The following TASP1 variants were observed in gnomAD, a reference collection of about 807,000 sequenced individuals.
The protein encoded by TASP1 is threonine aspartase 1.
A neutral mutation model predicts 56.6 loss-of-function variants in TASP1; 16 were observed. That is an observed-to-expected ratio of 0.28 (90% CI 0.19 to 0.43). The LOEUF (loss-of-function observed/expected upper bound fraction) is 0.43. TASP1 is among the 20% of genes least tolerant of loss of function. The pLI is 1.00. For synonymous variants in TASP1, 179 were observed against 184.2 expected (o/e 0.97, Z 0.23); for missense variants, 393 against 511.6 (o/e 0.77, Z 2.24).
chr20:13,122,486 T>C, the TASP1 span, among the ~76,000 whole-genome samples: 1 of 152,174 alleles, frequency 6.6e-6, no homozygotes, highest in African/African-American at 2.4e-5. Flanking sequence ...TCTGGAGAAG[T>C]CGAGTGTGGC....
chr20:13,349,869 G>A, the TASP1 span, among the ~76,000 whole-genome samples: 50 of 152,276 alleles, frequency 3.3e-4, no homozygotes, highest in African/African-American at 1.1e-3. Flanking sequence ...AAATTACATA[G>A]TCTGGACATG....
the TASP1 span, among the ~76,000 whole-genome samples, chr20:13,306,564 C>CAAAAAAAAAAAAAAAAAA: frequency 1.7e-4 from 11 of 63,906 alleles, no homozygotes; most frequent in South Asian, 7.8e-4. Context: ...GGAGAAAGGA[C>CAAAAAAAAAAAAAAAAAA]AAAAAAAAAA....
chr20:13,422,513 G>A (rs1421506846), intron 12 of TASP1, among the ~76,000 whole-genome samples: 1 of 151,964 alleles, frequency 6.6e-6, no homozygotes, highest in Non-Finnish European at 1.5e-5. Context: ...TCTTTTATCT[G>A]GGTGTATCAT....
chr20:13,583,766 G>A lies in TASP1; in HGVS notation c.404-2785C>T, dbSNP rs139505564. On this transcript the variant is annotated intron_variant, in intron 5 of 13. Coordinates refer to ENST00000337743, the MANE Select transcript of TASP1 (RefSeq NM_017714.3). ...AGCATAGGCCTCATAAGGGTATCGT[G>A]AGAACTAAATGATTTAAAATATGTA... Among the ~76,000 whole-genome samples the A allele has an allele frequency of 5.2e-4, 79 of 152,314 alleles. No homozygotes were observed. In the East Asian group the frequency reaches 0.015, roughly 28 times the overall value.
chr20:13,392,429 G>C (rs1018971878), intron 13 of TASP1, among the ~76,000 whole-genome samples: 2 of 152,170 alleles, frequency 1.3e-5, no homozygotes, highest in Non-Finnish European at 1.5e-5. Flanking sequence ...TCTTGGTTTT[G>C]AATCTTTAGG....
At chr20:13,215,255 G>A in the TASP1 span, among the ~76,000 whole-genome samples, 1 of 152,178 alleles carries the variant, frequency 6.6e-6, no homozygotes, top group Admixed American at 6.5e-5. Context: ...CAACTGTAAA[G>A]GAAGCTAAAT....
intron 4 of TASP1, among the ~76,000 whole-genome samples, chr20:13,619,668 T>A (rs1203682481): frequency 6.6e-6 from 1 of 152,160 alleles, no homozygotes; most frequent in Non-Finnish European, 1.5e-5. Context: ...CAAAACTATT[T>A]CAAAGGCAGC....
At chr20:13,573,035 C>T (rs1179868904) in intron 6 of TASP1, among the ~76,000 whole-genome samples, 2 of 152,156 alleles carry the variant, frequency 1.3e-5, no homozygotes, top group Admixed American at 1.3e-4. Context: ...GACTTCTTTA[C>T]TCTTCATAAA....
Position 13,483,247 on chromosome 20 carries a change from G to A in TASP1, c.965C>T (p.Thr322Ile). ...AEDAHQALLE[T>I]MQNKFISSPF... The stretch of plus-strand genomic sequence containing the variant: ...CTTACTGATAAACTTGTTTTGCATA[G>A]TCTCCAACAGGGCTTGGTGAGCATC... Residue 322 changes from threonine (T) to isoleucine (I), a missense_variant, in exon 11 of 14, where the codon ACT becomes ATT. Transcript: ENST00000337743. 1.3e-6 allele frequency: 2 copies of A among 1,590,318 alleles called. No individual in the cohort carries two copies. The highest frequency in any genetic ancestry group is 8.6e-7 in the Non-Finnish European group (1 of 1,168,094).
At chr20:13,161,170 A>T in the TASP1 span, among the ~76,000 whole-genome samples, 1 of 152,250 alleles carries the variant, frequency 6.6e-6, no homozygotes, top group African/African-American at 2.4e-5. Flanking sequence ...TGTGGTGCAT[A>T]TGTGGGAAGA....
At chr20:13,612,234 T>C (rs1341660296) in intron 4 of TASP1, among the ~76,000 whole-genome samples, 1 of 152,198 alleles carries the variant, frequency 6.6e-6, no homozygotes, top group Admixed American at 6.5e-5. Context: ...TGGTCAGAAA[T>C]GCTGCATATC....
intron 12 of TASP1, among the ~76,000 whole-genome samples, chr20:13,429,378 G>A (rs2042724181): frequency 6.6e-6 from 1 of 152,170 alleles, no homozygotes; most frequent in African/African-American, 2.4e-5. Context: ...AAGACCAAGT[G>A]ATGTGGAGTG....
the TASP1 span, among the ~76,000 whole-genome samples, chr20:13,257,809 T>G: frequency 2.0e-5 from 3 of 152,166 alleles, no homozygotes; most frequent in Admixed American, 6.5e-5. Flanking sequence ...CCAGTGTTCT[T>G]GAGCCAGTCC....
At chr20:13,260,202 C>CAT in the TASP1 span, among the ~76,000 whole-genome samples, 2 of 152,194 alleles carry the variant, frequency 1.3e-5, no homozygotes, top group African/African-American at 4.8e-5. Context: ...CACCTCTGGC[C>CAT]ATATGTGGCC....
At chr20:13,351,710 G>A in the TASP1 span, among the ~76,000 whole-genome samples, 1 of 152,144 alleles carries the variant, frequency 6.6e-6, no homozygotes, top group Non-Finnish European at 1.5e-5. Flanking sequence ...TGTGGTGGTG[G>A]TGGTTACTTA....
chr20:13,362,808 AATATATATATATATAT>A, the TASP1 span, among the ~76,000 whole-genome samples: 650 of 114,790 alleles, frequency 5.7e-3, 26 homozygotes, highest in East Asian at 0.031. Context: ...AATAGCAAGA[AATATATATATATATAT>A]ATATATATAT....
chr20:13,417,636 C>T (rs77853136), intron 12 of TASP1, 115 bp from the exon 13 acceptor site: 29 of 1,064,114 alleles, frequency 2.7e-5, no homozygotes, highest in Non-Finnish European at 3.6e-5. Context: ...CAGTTCCCCA[C>T]TTTCCATTTG....
the TASP1 span, among the ~76,000 whole-genome samples, chr20:13,329,023 A>T: frequency 6.6e-6 from 1 of 152,240 alleles, no homozygotes; most frequent in South Asian, 2.1e-4. Context: ...AAATAAAATA[A>T]AATTGGGTTG....
At chr20:13,373,459 T>TTG in the TASP1 span, among the ~76,000 whole-genome samples, 2 of 44,002 alleles carry the variant, frequency 4.5e-5, no homozygotes, top group South Asian at 6.4e-4. Flanking sequence ...TCTTTCAGTT[T>TTG]TTTTTTTTTT....
Sources: allele counts gnomAD v4.1 joint callset (sites outside exome capture counted in the v4.1 genomes callset), GRCh38; gene constraint gnomAD v4.1.1; transcripts MANE v1.5; gene names NCBI Gene and HGNC (gene_info 2026-07-23, HGNC 2026-07-21).